AIG1: variants seen among roughly 807,000 people sequenced by gnomAD.
The protein encoded by AIG1 is androgen-induced gene 1 protein.
Under a neutral mutation model 31.4 loss-of-function variants are expected in AIG1, and 23 were observed. The ratio of observed to expected loss-of-function variants is 0.73; its 90% CI spans 0.53 to 1.04. The LOEUF is 1.04. Among genes scored for constraint, AIG1 ranks in the 50% least tolerant of loss-of-function variants. The pLI is 0.00. For synonymous variants in AIG1, 100 were observed against 110.5 expected, an observed-to-expected ratio of 0.90 and a Z score of 0.60; for missense variants, 274 against 295.0, an observed-to-expected ratio of 0.93 and a Z score of 0.52.
At chr6:143,122,574 C>T (rs933263465) in intron 1 of AIG1, among the ~76,000 whole-genome samples, 5 of 152,168 alleles carry the variant, frequency 3.3e-5, no homozygotes, top group Non-Finnish European at 5.9e-5. Flanking sequence ...TATAAAATCT[C>T]TAATTTTTAG....
chr6:143,174,391 G>A (rs1464784504), intron 3 of AIG1, among the ~76,000 whole-genome samples: 1 of 150,972 alleles, frequency 6.6e-6, no homozygotes, highest in Non-Finnish European at 1.5e-5. Context: ...GGAGGCTGAG[G>A]CAGGAGAATC....
At chr6:143,079,274 T>G (rs1778000005) in intron 1 of AIG1, among the ~76,000 whole-genome samples, 1 of 152,112 alleles carries the variant, frequency 6.6e-6, no homozygotes, top group Non-Finnish European at 1.5e-5. Context: ...GATAGAGGAC[T>G]TTTCCTCTAT....
intron 1 of AIG1, among the ~76,000 whole-genome samples, chr6:143,115,300 G>A (rs1023778366): frequency 6.6e-6 from 1 of 152,152 alleles, no homozygotes; most frequent in African/African-American, 2.4e-5. Flanking sequence ...AAAGATTGTA[G>A]CCATTTGAAA....
intron 4 of AIG1, among the ~76,000 whole-genome samples, chr6:143,324,359 A>G (rs1410625103): frequency 6.6e-6 from 1 of 152,240 alleles, no homozygotes; most frequent in South Asian, 2.1e-4. Flanking sequence ...ACATTTCTGT[A>G]TCTCACACAT....
chr6:143,113,368 G>A (rs1781454615), intron 1 of AIG1, among the ~76,000 whole-genome samples: 1 of 151,982 alleles, frequency 6.6e-6, no homozygotes, highest in Non-Finnish European at 1.5e-5. Flanking sequence ...ACTTTGGGAG[G>A]CTGAGGTGGG....
At chr6:143,301,211 C>T (rs1450741069) in intron 4 of AIG1, among the ~76,000 whole-genome samples, 1 of 152,204 alleles carries the variant, frequency 6.6e-6, no homozygotes, top group Non-Finnish European at 1.5e-5. Context: ...ATAATGCTGC[C>T]TCGGATTGCA....
rs1783496079 is a variant in AIG1 at position 143,133,932 on chromosome 6, CA to C, written c.142-2898del. ...ATATTCTACTTCCTCTGCCTATAAA[CA>C]AAAATCCCACAGAAATTTTACATAT... On this transcript the variant is annotated intron_variant, in intron 1 of 5. Coordinates refer to ENST00000357847, the MANE Select transcript of AIG1 (RefSeq NM_016108.4). Among the ~76,000 whole-genome samples, 3 of 152,118 alleles carry C rather than the reference CA, an allele frequency of 2.0e-5. No individual in the cohort carries two copies. The South Asian group carries it at 6.2e-4, about 32-fold the overall frequency.
intron 1 of AIG1, among the ~76,000 whole-genome samples, chr6:143,128,910 A>T (rs901939339): frequency 1.3e-5 from 2 of 152,214 alleles, no homozygotes; most frequent in Non-Finnish European, 2.9e-5. Context: ...TCATTTTTAG[A>T]GATTATCTTT....
chr6:143,336,105 A>C (rs1201999594), intron 5 of AIG1, among the ~76,000 whole-genome samples: 1 of 152,196 alleles, frequency 6.6e-6, no homozygotes, highest in African/African-American at 2.4e-5. Flanking sequence ...CACTAAAAGC[A>C]GTGTGTTAGG....
intron 3 of AIG1, among the ~76,000 whole-genome samples, chr6:143,197,314 A>C (rs1790326361): frequency 6.6e-6 from 1 of 152,110 alleles, no homozygotes; most frequent in African/African-American, 2.4e-5. Context: ...TGCTCAGGAA[A>C]CTTTTTCTGA....
downstream of AIG1, chr6:143,342,338 G>A: frequency 1.5e-6 from 1 of 668,164 alleles, no homozygotes. Flanking sequence ...AGCTCACTGC[G>A]GTTCTAGCCC....
chr6:143,313,406 A>G (rs924409213), intron 4 of AIG1, among the ~76,000 whole-genome samples: 2 of 152,210 alleles, frequency 1.3e-5, no homozygotes, highest in African/African-American at 2.4e-5. Flanking sequence ...TTGCAACAAC[A>G]TGGATGGAAC....
chr6:143,306,003 C>T (rs1349302385), intron 4 of AIG1, among the ~76,000 whole-genome samples: 2 of 150,412 alleles, frequency 1.3e-5, no homozygotes, highest in Non-Finnish European at 3.0e-5. Context: ...CTCTTTTGAT[C>T]TTTGTTGGTT....
chr6:143,287,793 A>G (rs1797793520), intron 4 of AIG1, among the ~76,000 whole-genome samples: 1 of 149,378 alleles, frequency 6.7e-6, no homozygotes, highest in Non-Finnish European at 1.5e-5. Context: ...CAGTCCTGAG[A>G]TGCTTCTCAA....
In AIG1 at chr6:143,190,306, A is replaced by C. The variant is rs190162936; in HGVS notation, c.399+25123A>C. On this transcript the variant is annotated intron_variant, in intron 3 of 5. Coordinates refer to ENST00000357847, the MANE Select transcript of AIG1 (RefSeq NM_016108.4). The stretch of plus-strand genomic sequence containing the variant: ...GAGTCGAGAAACAGAATAAAAAGAC[A>C]AGGCCCAGGCCCAGTGAGCTTTTGA... 5.7e-5 allele frequency: 56 copies of C among 985,452 alleles called. No homozygotes were observed. In the Admixed American group the frequency reaches 9.2e-4, roughly 16 times the overall value. The allele number at this position is 985,452 out of a possible 1,614,324, so 61.0% of individuals were successfully genotyped here. A position where few individuals can be genotyped will look rare whatever the true frequency, so the allele number is the denominator to read the frequency against.
At chr6:143,171,440 A>ATAATATATATATT (rs1186454082) in intron 3 of AIG1, among the ~76,000 whole-genome samples, 7 of 91,414 alleles carry the variant, frequency 7.7e-5, no homozygotes, top group Non-Finnish European at 1.3e-4. Flanking sequence ...TAATATATAT[A>ATAATATATATATT]TAATATATAT....
At chr6:143,229,312 C>T (rs1177819130) in intron 3 of AIG1, among the ~76,000 whole-genome samples, 2 of 152,056 alleles carry the variant, frequency 1.3e-5, no homozygotes, top group Non-Finnish European at 2.9e-5. Context: ...CTTTTTTAAC[C>T]TTTTAGTTTC....
chr6:143,306,996 C>T (rs1171713442), intron 4 of AIG1, among the ~76,000 whole-genome samples: 1 of 152,210 alleles, frequency 6.6e-6, no homozygotes, highest in South Asian at 2.1e-4. Context: ...ATCACATCGG[C>T]TCCTGAGGCT....
intron 1 of AIG1, among the ~76,000 whole-genome samples, chr6:143,107,201 T>C (rs919919390): frequency 1.3e-5 from 2 of 152,212 alleles, no homozygotes; most frequent in African/African-American, 2.4e-5. Flanking sequence ...TAGGAAAGCC[T>C]TCATTAAAAG....
Sources: gnomAD v4.1 joint callset for allele counts (sites outside exome capture counted in the v4.1 genomes callset) on GRCh38, gnomAD v4.1.1 for gene constraint, MANE v1.5 for transcripts, NCBI Gene and HGNC (gene_info 2026-07-23, HGNC 2026-07-21) for gene names.